Variants in GPATCH8 observed in about 807,000 individuals in gnomAD.
GPATCH8 encodes G-patch domain containing 8.
In GPATCH8, 18 loss-of-function variants were observed where a neutral mutation model predicts 118.3. The observed-to-expected ratio is 0.15, with a 90% confidence interval of 0.11 to 0.23. The LOEUF is 0.23. Among genes scored for constraint, GPATCH8 ranks in the 10% least tolerant of loss-of-function variants. GPATCH8 has a pLI of 1.00. For synonymous variants in GPATCH8, 659 were observed against 684.7 expected (o/e 0.96, Z 0.59); for missense variants, 1,631 against 1,873.8 (o/e 0.87, Z 2.39).
intron 1 of GPATCH8, among the ~76,000 whole-genome samples, chr17:44,495,773 A>T (rs1468071134): frequency 6.6e-6 from 1 of 152,226 alleles, no homozygotes; most frequent in Non-Finnish European, 1.5e-5. Context: ...CTTTAAAGAT[A>T]CCTCATAATT....
At chr17:44,455,687 C>G (rs542472977) in intron 3 of GPATCH8, among the ~76,000 whole-genome samples, 20 of 152,180 alleles carry the variant, frequency 1.3e-4, no homozygotes, top group African/African-American at 4.6e-4. Flanking sequence ...GACAACTTAG[C>G]TTCTGTAAAG....
intron 1 of GPATCH8, among the ~76,000 whole-genome samples, chr17:44,482,384 C>G (rs1968321608): frequency 6.6e-6 from 1 of 151,368 alleles, no homozygotes; most frequent in Non-Finnish European, 1.5e-5. Context: ...CCAGCCTGGC[C>G]AACATGGTGA....
At chr17:44,426,082 C>CA (rs895837056) in intron 5 of GPATCH8, among the ~76,000 whole-genome samples, 7 of 152,066 alleles carry the variant, frequency 4.6e-5, no homozygotes, top group African/African-American at 1.7e-4. Flanking sequence ...TAAGCAATAT[C>CA]AAAAAAGCCA....
chr17:44,416,121 G>C (rs1029029043), intron 6 of GPATCH8, among the ~76,000 whole-genome samples: 1 of 152,182 alleles, frequency 6.6e-6, no homozygotes. Context: ...TCCTGCCTCA[G>C]CCTCCGAGCA....
intron 3 of GPATCH8, among the ~76,000 whole-genome samples, chr17:44,453,500 G>GGGGTGTGTGTGTGTGTGTGTGTGT (rs1222816424): frequency 7.0e-6 from 1 of 142,702 alleles, no homozygotes; most frequent in African/African-American, 2.7e-5. Flanking sequence ...GGTAGGTAGG[G>GGGGTGTGTGTGTGTGTGTGTGTGT]GTGTGTGTGT....
chr17:44,443,787 G>A (rs2050781350), intron 3 of GPATCH8, among the ~76,000 whole-genome samples: 1 of 152,116 alleles, frequency 6.6e-6, no homozygotes, highest in Admixed American at 6.6e-5. Flanking sequence ...TCCCATCTCA[G>A]CTTCCTAAGA....
Position 44,399,593 on chromosome 17 carries a change from C to T in GPATCH8, c.2484G>A (p.Leu828=). The T allele has an allele frequency of 6.2e-7, 1 of 1,614,200 alleles. No individual in the cohort carries two copies. The highest frequency in any genetic ancestry group is 8.5e-7 in the Non-Finnish European group (1 of 1,180,038). ...EDSDDASSHR[L]HQKSPSQYSE... ...TGTACTGGGATGGAGACTTCTGGTG[C>T]AGCCGGTGTGAGGAAGCATCATCAC... The change falls in exon 8 of 8, where the codon CTG becomes CTA. Residue 828 remains leucine (L), a synonymous_variant. Transcript: ENST00000591680.
intron 3 of GPATCH8, among the ~76,000 whole-genome samples, chr17:44,447,152 TA>T (rs1054571862): frequency 1.4e-5 from 2 of 147,722 alleles, no homozygotes; most frequent in African/African-American, 2.5e-5. Flanking sequence ...TCATGTTTAA[TA>T]AAAAAAAATT....
intron 3 of GPATCH8, among the ~76,000 whole-genome samples, chr17:44,453,523 G>GTGTGTGTGTGTGTGTGTGTGTC (rs2051207786): frequency 1.3e-5 from 2 of 151,008 alleles, no homozygotes; most frequent in Non-Finnish European, 1.5e-5. Context: ...GTGTGTGTGT[G>GTGTGTGTGTGTGTGTGTGTGTC]TGTGTGTGCA....
At chr17:44,470,329 C>T (rs1967178767) in intron 2 of GPATCH8, among the ~76,000 whole-genome samples, 1 of 151,924 alleles carries the variant, frequency 6.6e-6, no homozygotes, top group African/African-American at 2.4e-5. Flanking sequence ...TCCTGAGTAG[C>T]TGGGACTACA....
chr17:44,403,198 C>A (rs184324220), intron 7 of GPATCH8, among the ~76,000 whole-genome samples: 44 of 152,270 alleles, frequency 2.9e-4, no homozygotes, highest in African/African-American at 1.0e-3. Context: ...CCCTCAGCCT[C>A]CCAAGTAGCT....
intron 1 of GPATCH8, among the ~76,000 whole-genome samples, chr17:44,495,390 C>T (rs964110313): frequency 2.6e-5 from 4 of 152,160 alleles, no homozygotes; most frequent in South Asian, 2.1e-4. Context: ...GGATTCTCTC[C>T]TTTACTTAGA....
rs1280052012 is a variant in GPATCH8, at chr17:44,400,815, T to A, written c.1262A>T (p.Asp421Val). ...LLFMRASEQM[D>V]GDNTTHPKNA... ...CTTTGGGTGTGTAGTATTATCACCA[T>A]CCATTTGTTCACTGGCTCTCATAAA... Residue 421 changes from aspartate to valine, a missense_variant, in exon 8 of 8, where the codon GAT (aspartate) becomes GTT (valine). Asp to Val is a radical substitution (Grantham distance 152). Around this residue, in one of 8 missense-constraint regions of GPATCH8, gnomAD observed 405 missense variants for 462.7 expected, o/e 0.88. Coordinates refer to ENST00000591680, the MANE Select transcript of GPATCH8 (RefSeq NM_001002909.4). 5.6e-6 allele frequency: 9 copies of A among 1,613,978 alleles called. No individual in the cohort carries two copies. The highest frequency in any genetic ancestry group is 7.6e-6 in the Non-Finnish European group (9 of 1,179,916).
chr17:44,428,999 G>T (rs906662477), intron 5 of GPATCH8, among the ~76,000 whole-genome samples: 1 of 152,026 alleles, frequency 6.6e-6, no homozygotes, highest in Non-Finnish European at 1.5e-5. Context: ...AAATTAGCCG[G>T]GCGTGGTGGC....
Position 44,399,992 on chromosome 17 carries a change from T to C in GPATCH8, c.2085A>G (p.Thr695=), listed in dbSNP as rs369762319. 23 of 1,614,146 alleles carry C rather than the reference T, an allele frequency of 1.4e-5. No homozygotes were observed. Among genetic ancestry groups the C allele is most frequent in the East Asian group, 6.7e-5 (3 of 44,880 alleles). The change falls in exon 8 of 8, where the codon ACA becomes ACG. Residue 695 remains threonine (T), a synonymous_variant. Transcript: ENST00000591680. ...SKHKRKHKAD[T]EEKSSKAESG... ...ACTCTGCCTTAGAGCTTTTCTCTTC[T>C]GTGTCAGCCTTGTGTTTACGTTTGT... is the stretch of plus-strand genomic sequence containing the variant.
intron 1 of GPATCH8, among the ~76,000 whole-genome samples, chr17:44,485,960 T>C (rs138197941): frequency 2.6e-5 from 4 of 152,202 alleles, no homozygotes; most frequent in African/African-American, 9.6e-5. Flanking sequence ...AGTGGTGCAA[T>C]CACAGCTCAC....
intron 1 of GPATCH8, among the ~76,000 whole-genome samples, chr17:44,499,873 C>G (rs1227499748): frequency 6.7e-6 from 1 of 149,750 alleles, no homozygotes; most frequent in Non-Finnish European, 1.5e-5. Flanking sequence ...AATACATCAG[C>G]TTAGATTACA....
intron 1 of GPATCH8, among the ~76,000 whole-genome samples, chr17:44,483,176 A>AAAAAAAATATATATATATATAT (rs1555646771): frequency 7.7e-5 from 1 of 12,952 alleles, no homozygotes. Flanking sequence ...AAAAAAAAAA[A>AAAAAAAATATATATATATATAT]ATATATATAT....
intron 3 of GPATCH8, among the ~76,000 whole-genome samples, chr17:44,444,634 G>A (rs924756294): frequency 7.2e-5 from 11 of 152,104 alleles, no homozygotes; most frequent in African/African-American, 2.7e-4. Flanking sequence ...TTAGCTGGGC[G>A]TGGTGGCATG....
Sources: gnomAD v4.1 joint callset for allele counts (sites outside exome capture counted in the v4.1 genomes callset) on GRCh38, gnomAD v4.1.1 for gene constraint, gnomAD v4.1.1 regional missense constraint, MANE v1.5 for transcripts, NCBI Gene and HGNC (gene_info 2026-07-23, HGNC 2026-07-21) for gene names.